Variants in RAPGEF1 observed in about 807,000 individuals in gnomAD.
RAPGEF1 encodes Rap guanine nucleotide exchange factor 1.
RAPGEF1 carries 33 observed loss-of-function variants against 143.3 expected under a neutral mutation model. The observed-to-expected ratio is 0.23, with a 90% confidence interval of 0.17 to 0.31. The LOEUF is 0.31. Among genes scored for constraint, RAPGEF1 ranks in the 10% least tolerant of loss-of-function variants. The pLI, the probability that RAPGEF1 is intolerant of heterozygous loss-of-function variation, is 1.00. For synonymous variants in RAPGEF1, 629 were observed against 676.5 expected (o/e 0.93, Z 1.09); for missense variants, 1,199 against 1,645.4 (o/e 0.73, Z 4.69).
At chr9:131,607,421 C>G (rs1436980261) in intron 12 of RAPGEF1, among the ~76,000 whole-genome samples, 1 of 152,158 alleles carries the variant, frequency 6.6e-6, no homozygotes, top group Non-Finnish European at 1.5e-5. Flanking sequence ...CGCTCTGGGC[C>G]TTCCTGGGAT....
intron 1 of RAPGEF1, among the ~76,000 whole-genome samples, chr9:131,656,646 G>A (rs1009447638): frequency 3.3e-5 from 5 of 152,204 alleles, no homozygotes; most frequent in African/African-American, 1.2e-4. Context: ...CAGGCATGGG[G>A]CTGAGGAGCT....
chr9:131,648,370 G>A (rs936685517), intron 3 of RAPGEF1, among the ~76,000 whole-genome samples: 13 of 152,098 alleles, frequency 8.5e-5, no homozygotes, highest in African/African-American at 1.7e-4. Context: ...CAGCCTGGGC[G>A]ACAGAGTGAG....
At chr9:131,709,060 A>G (rs998382944) in intron 1 of RAPGEF1, among the ~76,000 whole-genome samples, 1 of 152,110 alleles carries the variant, frequency 6.6e-6, no homozygotes, top group African/African-American at 2.4e-5. Flanking sequence ...AAAAAGTAAA[A>G]ATGTTCAGCC....
chr9:131,660,069 C>T (rs896734611), intron 1 of RAPGEF1, among the ~76,000 whole-genome samples: 5 of 152,194 alleles, frequency 3.3e-5, no homozygotes, highest in Admixed American at 1.3e-4. Flanking sequence ...CCGCCCGCCT[C>T]GGCCTCGCAA....
intron 12 of RAPGEF1, among the ~76,000 whole-genome samples, chr9:131,610,646 G>A (rs1957897036): frequency 6.6e-6 from 1 of 152,202 alleles, no homozygotes; most frequent in African/African-American, 2.4e-5. Context: ...TGCTTTTCTA[G>A]TGTGGTCTGG....
rs149758090 is a variant in RAPGEF1 at position 131,623,729 on chromosome 9, C to T, written c.1703-1731G>A. On this transcript the variant is annotated intron_variant, in intron 10 of 26. Coordinates refer to ENST00000683357, the MANE Select transcript of RAPGEF1 (RefSeq NM_001377935.1). The stretch of plus-strand genomic sequence containing the variant: ...GGTGCCGGACAGTGATCACAAGGCT[C>T]GTCTGGCACAAGGGACTCATGGGGC... Among the ~76,000 whole-genome samples the T allele has an allele frequency of 3.3e-5, 5 of 152,320 alleles. No individual in the cohort carries two copies. In the South Asian group the frequency reaches 1.0e-3, roughly 32 times the overall value.
At chr9:131,688,737 GTC>G (rs1833557429) in intron 1 of RAPGEF1, among the ~76,000 whole-genome samples, 1 of 152,088 alleles carries the variant, frequency 6.6e-6, no homozygotes, top group African/African-American at 2.4e-5. Flanking sequence ...GCGAAATTCT[GTC>G]TCTACCAAAA....
chr9:131,582,572 C>A (rs745764460), intron 25 of RAPGEF1, 33 bp downstream of exon 25: 8 of 1,438,500 alleles, frequency 5.6e-6, no homozygotes, highest in African/African-American at 1.5e-5. Context: ...CAAACCCAGG[C>A]GGGGCTGGGG....
chr9:131,632,446 A>G (rs1242081731), intron 5 of RAPGEF1, among the ~76,000 whole-genome samples: 5 of 152,134 alleles, frequency 3.3e-5, no homozygotes, highest in Non-Finnish European at 7.4e-5. Flanking sequence ...TCTCTTAAAA[A>G]AAGAATCCTG....
At chr9:131,639,409 TG>T (rs1967114750) in intron 4 of RAPGEF1, among the ~76,000 whole-genome samples, 1 of 148,128 alleles carries the variant, frequency 6.8e-6, no homozygotes, top group Non-Finnish European at 1.5e-5. Flanking sequence ...GTGATGGTGG[TG>T]GGGATGTGAG....
chr9:131,671,391 A>G (rs1233850224), intron 1 of RAPGEF1, among the ~76,000 whole-genome samples: 3 of 152,242 alleles, frequency 2.0e-5, no homozygotes, highest in Non-Finnish European at 4.4e-5. Flanking sequence ...TGTTGGAATC[A>G]GAACACACCT....
intron 1 of RAPGEF1, among the ~76,000 whole-genome samples, chr9:131,654,254 AC>A (rs1490206090): frequency 6.6e-6 from 1 of 152,096 alleles, no homozygotes; most frequent in East Asian, 1.9e-4. Context: ...AAAGAACTGT[AC>A]CCTTTTTGAA....
At chr9:131,589,744 C>T (rs903498922) in intron 19 of RAPGEF1, 142 bp downstream of exon 19, 75 of 738,468 alleles carry the variant, frequency 1.0e-4, no homozygotes, top group East Asian at 6.1e-4. Flanking sequence ...CCTGGTCTAT[C>T]GGGCACAGGC....
intron 1 of RAPGEF1, among the ~76,000 whole-genome samples, chr9:131,683,714 G>T (rs1450855806): frequency 1.3e-5 from 2 of 152,230 alleles, no homozygotes; most frequent in East Asian, 3.8e-4. Context: ...ATTTCCAGAT[G>T]CCCTATATTT....
chr9:131,605,785 T>C (rs1426957722), intron 12 of RAPGEF1, among the ~76,000 whole-genome samples: 8 of 148,820 alleles, frequency 5.4e-5, no homozygotes, highest in Non-Finnish European at 1.2e-4. Context: ...TTTTAACAAA[T>C]GAAGTAGGCT....
At chr9:131,681,151 C>CAGCTAA (rs902653147) in intron 1 of RAPGEF1, among the ~76,000 whole-genome samples, 5 of 152,122 alleles carry the variant, frequency 3.3e-5, no homozygotes, top group African/African-American at 1.2e-4. Context: ...GTTTATTTAC[C>CAGCTAA]AGCTAAAGCT....
rs773539390 is a variant in RAPGEF1, at chr9:131,588,911, C to T, written c.2943G>A (p.Leu981=). 10 of 1,613,974 alleles carry T rather than the reference C, an allele frequency of 6.2e-6. No homozygotes were observed. The South Asian group carries it at 8.8e-5, about 14-fold the overall frequency. Residue 981 remains leucine, a synonymous_variant, in exon 20 of 27, where the codon CTG becomes CTA. Transcript: ENST00000683357. ...LVFRLVCNGE[L]SLARVLRKNI... is the part of the protein sequence containing the mutation. ...TCTTCCGGAGCACACGGGCCAGGCT[C>T]AGCTCCCCATTGCACACCAGGCGGA...
chr9:131,590,513 T>A (rs549157414), intron 18 of RAPGEF1, among the ~76,000 whole-genome samples: 1 of 152,196 alleles, frequency 6.6e-6, no homozygotes, highest in African/African-American at 2.4e-5. Flanking sequence ...ACGCTCCACA[T>A]TGGCTCCCTG....
At chr9:131,591,720 C>A (rs963902504) in intron 18 of RAPGEF1, among the ~76,000 whole-genome samples, 3 of 152,208 alleles carry the variant, frequency 2.0e-5, no homozygotes, top group African/African-American at 7.2e-5. Flanking sequence ...GCTGCCGGAG[C>A]CGACCATGAG....
Sources: allele counts gnomAD v4.1 joint callset (sites outside exome capture counted in the v4.1 genomes callset), GRCh38; gene constraint gnomAD v4.1.1; transcripts MANE v1.5; gene names NCBI Gene and HGNC (gene_info 2026-07-23, HGNC 2026-07-21).